DGKH: variants seen among roughly 807,000 people sequenced by gnomAD.
DGKH encodes DAG kinase eta.
A neutral mutation model predicts 159.3 loss-of-function variants in DGKH; 90 were observed. That is an observed-to-expected ratio of 0.57 (90% confidence interval 0.48 to 0.67). The LOEUF is 0.67. DGKH is among the 30% of genes least tolerant of loss of function. The pLI, the probability that DGKH is intolerant of heterozygous loss-of-function variation, is 0.00. For missense variants in DGKH, 1,181 were observed against 1,506.1 expected (o/e 0.78, Z 3.57); for synonymous variants, 536 against 553.8 (o/e 0.97, Z 0.45).
Position 42,168,501 on chromosome 13 carries a change from G to A in DGKH, c.1180G>A (p.Val394Ile). The part of the protein sequence containing the change: ...RILVCGGDGS[V>I]GWVLSEIDKL... ...TCTTGTTTGTGGAGGCGATGGAAGT[G>A]TAGGTTGGGTTTTGTCAGAAATCGA... Residue 394 changes from valine (V) to isoleucine (I), a missense_variant, in exon 10 of 30, where the codon GTA (valine) becomes ATA (isoleucine). By Grantham distance (29) the Val-to-Ile change is conservative. This residue lies in a region of DGKH where 369 missense variants were observed against 519.4 expected (regional missense o/e 0.71). Transcript: ENST00000337343. The A allele has an allele frequency of 6.2e-7, 1 of 1,614,184 alleles. No individual in the cohort carries two copies. The highest frequency in any genetic ancestry group is 1.1e-5 in the South Asian group (1 of 91,074).
rs114393080 is a variant in DGKH, at chr13:42,201,526, A to T, written c.2493+1617A>T. 8.7e-4 allele frequency among the ~76,000 whole-genome samples: 133 copies of T among 152,268 alleles called. 1 individual carries two copies. Among genetic ancestry groups the T allele is most frequent in the Middle Eastern group, 6.8e-3 (2 of 294 alleles). ...AGAGCCTCAGCTCTTCAGAAATAGG[A>T]TTAGTAACCTCTTGTACTGGTGTTC... On this transcript the variant is annotated intron_variant, in intron 20 of 29. Transcript: ENST00000337343.
At chr13:42,199,106 C>T (rs745697422) in intron 18 of DGKH, among the ~76,000 whole-genome samples, 42 of 152,124 alleles carry the variant, frequency 2.8e-4, no homozygotes, top group Non-Finnish European at 5.4e-4. Flanking sequence ...ATATTTTAAA[C>T]GTTCCAAAAC....
intron 15 of DGKH, among the ~76,000 whole-genome samples, chr13:42,189,728 G>GT (rs1957018235): frequency 6.6e-6 from 1 of 152,100 alleles, no homozygotes; most frequent in Non-Finnish European, 1.5e-5. Flanking sequence ...GTACAGTGGC[G>GT]TGATCTCAGC....
At chr13:42,122,779 G>A (rs894521669) in intron 1 of DGKH, among the ~76,000 whole-genome samples, 2 of 152,152 alleles carry the variant, frequency 1.3e-5, no homozygotes, top group African/African-American at 4.8e-5. Context: ...TGCATATGAT[G>A]TGTGCACATA....
rs146237398 is a variant in DGKH, at chr13:42,137,729, T to G, written c.384+8097T>G. Among the ~76,000 whole-genome samples the G allele has an allele frequency of 7.7e-4, 118 of 152,312 alleles. 2 individuals carry two copies. In the East Asian group the frequency reaches 0.02, roughly 26 times the overall value. ...TTTCATTGTATTTTGGCACTGTACT[T>G]TAAAGAGAAATGTTGACTAAAGAGC... On this transcript the variant is annotated intron_variant, in intron 3 of 29. Transcript: ENST00000337343.
intron 1 of DGKH, among the ~76,000 whole-genome samples, chr13:42,077,915 A>G (rs990724692): frequency 1.3e-5 from 2 of 152,196 alleles, no homozygotes; most frequent in African/African-American, 4.8e-5. Flanking sequence ...TTCTTTCTCT[A>G]CAGTTAAAAT....
chr13:42,060,534 T>C (rs1043549087), intron 1 of DGKH, among the ~76,000 whole-genome samples: 1 of 152,230 alleles, frequency 6.6e-6, no homozygotes, highest in East Asian at 1.9e-4. Flanking sequence ...ACAGCTTTTA[T>C]GTCCTGTAGA....
intron 1 of DGKH, among the ~76,000 whole-genome samples, chr13:42,078,015 C>G (rs942103490): frequency 6.6e-5 from 10 of 152,126 alleles, no homozygotes; most frequent in African/African-American, 2.4e-4. Flanking sequence ...GTCCCACCAT[C>G]CAGAATTAAA....
chr13:42,070,758 CTT>C, intron 1 of DGKH: 3 of 1,584,164 alleles, frequency 1.9e-6, no homozygotes, highest in Non-Finnish European at 2.6e-6. Context: ...ACAAGTCTGT[CTT>C]CATGTACTCC....
At chr13:42,062,347 T>C (rs1433317161) in intron 1 of DGKH, among the ~76,000 whole-genome samples, 2 of 152,194 alleles carry the variant, frequency 1.3e-5, no homozygotes, top group African/African-American at 4.8e-5. Flanking sequence ...TATTCCACAC[T>C]GTGTATTAAG....
intron 29 of DGKH, among the ~76,000 whole-genome samples, chr13:42,248,425 C>CAA (rs538828541): frequency 2.8e-5 from 4 of 141,042 alleles, no homozygotes; most frequent in Non-Finnish European, 4.6e-5. Context: ...GACACCGTCT[C>CAA]AAAAAAATAT....
At chr13:42,217,243 C>T (rs1957823300) in intron 26 of DGKH, among the ~76,000 whole-genome samples, 1 of 152,122 alleles carries the variant, frequency 6.6e-6, no homozygotes, top group African/African-American at 2.4e-5. Context: ...ATTTTAAACA[C>T]AACAGGGTAG....
chr13:42,196,998 A>C (rs1462869848), intron 17 of DGKH, among the ~76,000 whole-genome samples: 1 of 152,142 alleles, frequency 6.6e-6, no homozygotes, highest in Non-Finnish European at 1.5e-5. Context: ...TCACGCCTGT[A>C]ATCCCAGCAT....
At chr13:42,166,764 T>C in intron 9 of DGKH, 90 bp downstream of exon 9, 1 of 1,139,556 alleles carries the variant, frequency 8.8e-7, no homozygotes, top group Non-Finnish European at 1.2e-6. Flanking sequence ...AATTACAGAT[T>C]CCTCTAGATC....
At chr13:42,162,545 T>A (rs1169106146) in intron 7 of DGKH, among the ~76,000 whole-genome samples, 1 of 151,954 alleles carries the variant, frequency 6.6e-6, no homozygotes, top group Non-Finnish European at 1.5e-5. Flanking sequence ...CATGAACACC[T>A]GTAATTCCAG....
chr13:42,086,440 A>G (rs1315671640), intron 1 of DGKH, among the ~76,000 whole-genome samples: 1 of 152,224 alleles, frequency 6.6e-6, no homozygotes, highest in Non-Finnish European at 1.5e-5. Context: ...TACATGGTCA[A>G]CCTGAAAATT....
At chr13:42,057,602 C>T (rs1647148224) in intron 1 of DGKH, among the ~76,000 whole-genome samples, 1 of 152,184 alleles carries the variant, frequency 6.6e-6, no homozygotes, top group Non-Finnish European at 1.5e-5. Context: ...TGCTCCTTCT[C>T]AGTTTACTCC....
At chr13:42,059,498 C>T (rs1191481097) in intron 1 of DGKH, among the ~76,000 whole-genome samples, 2 of 152,122 alleles carry the variant, frequency 1.3e-5, no homozygotes, top group African/African-American at 4.8e-5. Context: ...GGTCTGCCCA[C>T]GTTGGCCTCC....
chr13:42,069,345 G>T, intron 1 of DGKH: 1 of 1,355,934 alleles, frequency 7.4e-7, no homozygotes, highest in Non-Finnish European at 1.0e-6. Flanking sequence ...TTCTAATTGA[G>T]CCAGATTTGC....
Sources: allele counts gnomAD v4.1 joint callset (sites outside exome capture counted in the v4.1 genomes callset), GRCh38; gene constraint gnomAD v4.1.1; regional missense constraint gnomAD v4.1.1; transcripts MANE v1.5; gene names NCBI Gene and HGNC (gene_info 2026-07-23, HGNC 2026-07-21).